The following XRCC4 variants were observed in gnomAD, a reference collection of about 807,000 sequenced individuals.
The protein encoded by XRCC4 is X-ray repair cross complementing 4, also known as DNA repair protein XRCC4.
A neutral mutation model predicts 39.1 loss-of-function variants in XRCC4; 28 were observed. That is an observed-to-expected ratio of 0.72 (90% CI 0.53 to 0.98). The LOEUF (loss-of-function observed/expected upper bound fraction) is 0.98. Among genes scored for constraint, XRCC4 ranks in the 50% least tolerant of loss-of-function variants. XRCC4 has a pLI of 0.00. For missense variants in XRCC4, 350 were observed against 376.4 expected, an observed-to-expected ratio of 0.93 and a Z score of 0.58; for synonymous variants, 123 against 126.4, an observed-to-expected ratio of 0.97 and a Z score of 0.18.
intron 3 of XRCC4, among the ~76,000 whole-genome samples, chr5:83,130,766 T>C (rs773662967): frequency 5.9e-5 from 9 of 152,220 alleles, no homozygotes; most frequent in Non-Finnish European, 1.3e-4. Flanking sequence ...AAGAGGTGTT[T>C]ATAGTATTCT....
At chr5:83,165,023 G>T (rs958718769) in intron 3 of XRCC4, among the ~76,000 whole-genome samples, 1 of 151,736 alleles carries the variant, frequency 6.6e-6, no homozygotes, top group African/African-American at 2.4e-5. Context: ...AAATGTTAAA[G>T]AAACAATTAT....
At chr5:83,115,019 A>G (rs1746641890) in intron 3 of XRCC4, among the ~76,000 whole-genome samples, 1 of 152,142 alleles carries the variant, frequency 6.6e-6, no homozygotes, top group East Asian at 1.9e-4. Context: ...GCTCCCCTTT[A>G]TAAAACCTTT....
At chr5:83,260,698 G>A (rs1753717688) in intron 7 of XRCC4, among the ~76,000 whole-genome samples, 2 of 152,076 alleles carry the variant, frequency 1.3e-5, no homozygotes, top group South Asian at 4.1e-4. Flanking sequence ...TAAAGATAAT[G>A]TGTTTGTTTC....
intron 3 of XRCC4, among the ~76,000 whole-genome samples, chr5:83,127,600 A>G (rs1257277442): frequency 6.6e-6 from 1 of 151,862 alleles, no homozygotes; most frequent in African/African-American, 2.4e-5. Context: ...GTATGTCTTT[A>G]TCAGCAGTAT....
chr5:83,199,633 G>A (rs971592535), intron 4 of XRCC4, among the ~76,000 whole-genome samples: 45 of 151,068 alleles, frequency 3.0e-4, no homozygotes, highest in Non-Finnish European at 1.5e-4. Flanking sequence ...TGTTATTTCT[G>A]CATGAAATTG....
intron 3 of XRCC4, among the ~76,000 whole-genome samples, chr5:83,182,442 T>A (rs963335913): frequency 6.6e-6 from 1 of 152,132 alleles, no homozygotes; most frequent in African/African-American, 2.4e-5. Context: ...AAAGCCTAAT[T>A]TATTAAACTA....
chr5:83,187,736 A>T (rs985087084), intron 3 of XRCC4, among the ~76,000 whole-genome samples: 2 of 152,206 alleles, frequency 1.3e-5, no homozygotes, highest in Non-Finnish European at 2.9e-5. Flanking sequence ...GAGATGATAG[A>T]TTCTGTATCT....
intron 7 of XRCC4, among the ~76,000 whole-genome samples, chr5:83,274,895 ATGT>A (rs891970710): frequency 1.1e-4 from 16 of 152,162 alleles, no homozygotes; most frequent in African/African-American, 3.9e-4. Context: ...ACATGGACTG[ATGT>A]TGTTTTTAAA....
At chr5:83,240,103 G>A (rs747406190) in intron 6 of XRCC4, among the ~76,000 whole-genome samples, 9 of 152,142 alleles carry the variant, frequency 5.9e-5, no homozygotes, top group Non-Finnish European at 1.3e-4. Context: ...GAGCCCAGGA[G>A]TTCAAGGCTG....
chr5:83,115,401 T>A (rs1746662001), intron 3 of XRCC4, among the ~76,000 whole-genome samples: 1 of 152,094 alleles, frequency 6.6e-6, no homozygotes, highest in South Asian at 2.1e-4. Context: ...CACTTCAGCC[T>A]GGGCAACAAG....
In XRCC4 at chr5:83,195,845, T is replaced by C; in HGVS notation, c.391T>C (p.Leu131=). ...EVIRELICYC[L]DTIAENQAKN... ...CATTAGAGAACTTATTTGTTATTGC[T>C]TGGACACCATTGCAGAAAATCAAGC... is the stretch of plus-strand genomic sequence containing the variant. Residue 131 remains leucine, a synonymous_variant, in exon 4 of 8, where the codon TTG becomes CTG. Coordinates refer to ENST00000396027, the MANE Select transcript of XRCC4 (RefSeq NM_003401.5). 1.2e-6 allele frequency: 2 copies of C among 1,612,440 alleles called. No homozygotes were observed. The highest frequency in any genetic ancestry group is 1.1e-5 in the South Asian group (1 of 90,882).
intron 5 of XRCC4, 138 bp downstream of exon 5, chr5:83,203,845 TTAGA>T: frequency 9.9e-7 from 1 of 1,005,734 alleles, no homozygotes; most frequent in Admixed American, 2.6e-5. Flanking sequence ...GTTCAGGCTG[TTAGA>T]TAGGGGTACC....
At chr5:83,132,361 G>A (rs1236787977) in intron 3 of XRCC4, among the ~76,000 whole-genome samples, 6 of 151,926 alleles carry the variant, frequency 3.9e-5, no homozygotes, top group African/African-American at 1.4e-4. Flanking sequence ...TATGTGTCTT[G>A]GTGTTGCTGT....
chr5:83,138,847 G>A (rs1249918020), intron 3 of XRCC4, among the ~76,000 whole-genome samples: 1 of 151,998 alleles, frequency 6.6e-6, no homozygotes, highest in South Asian at 2.1e-4. Flanking sequence ...TTATAGTGAT[G>A]TTTTCTGGCT....
intron 3 of XRCC4, among the ~76,000 whole-genome samples, chr5:83,139,735 G>A (rs1311527016): frequency 1.3e-5 from 2 of 152,158 alleles, no homozygotes; most frequent in Non-Finnish European, 2.9e-5. Context: ...TTGCTGTGCT[G>A]AGTACTGTAG....
At chr5:83,129,590 G>T (rs1456654350) in intron 3 of XRCC4, among the ~76,000 whole-genome samples, 1 of 151,912 alleles carries the variant, frequency 6.6e-6, no homozygotes, top group Non-Finnish European at 1.5e-5. Flanking sequence ...TCACAATATT[G>T]ATTCTTCCTA....
chr5:83,366,686 T>C, the XRCC4 span, among the ~76,000 whole-genome samples: 1 of 152,176 alleles, frequency 6.6e-6, no homozygotes, highest in Non-Finnish European at 1.5e-5. Flanking sequence ...CCTGCCCTGT[T>C]TTCCCCTCTT....
intron 7 of XRCC4, among the ~76,000 whole-genome samples, chr5:83,316,326 T>A: frequency 6.6e-6 from 1 of 152,156 alleles, no homozygotes; most frequent in Admixed American, 6.6e-5. Flanking sequence ...AACATCATAA[T>A]GACAGGTTCA....
intron 3 of XRCC4, among the ~76,000 whole-genome samples, chr5:83,188,878 A>G (rs72767180): frequency 0.063 from 9,559 of 152,248 alleles, 487 homozygotes; most frequent in African/African-American, 0.14. Context: ...ATAGAGAAGC[A>G]TACTGAAAAG....
Sources: gnomAD v4.1 joint callset for allele counts (sites outside exome capture counted in the v4.1 genomes callset) on GRCh38, gnomAD v4.1.1 for gene constraint, MANE v1.5 for transcripts, NCBI Gene and HGNC (gene_info 2026-07-23, HGNC 2026-07-21) for gene names.